The following GGA3 variants were observed in gnomAD, a reference collection of about 807,000 sequenced individuals.
GGA3 encodes the protein ADP-ribosylation factor-binding protein GGA3.
Under a neutral mutation model 77.5 loss-of-function variants are expected in GGA3, and 57 were observed. The ratio of observed to expected loss-of-function variants is 0.74; its 90% CI spans 0.59 to 0.92. The LOEUF is 0.92. GGA3 is among the 40% of genes least tolerant of loss of function. GGA3 has a pLI of 0.00. For missense variants in GGA3, 970 were observed against 914.9 expected, an observed-to-expected ratio of 1.06 and a Z score of -0.78; for synonymous variants, 416 against 383.7, an observed-to-expected ratio of 1.08 and a Z score of -0.98.
chr17:75,253,000 A>T (rs1361171068), intron 1 of GGA3, among the ~76,000 whole-genome samples: 1 of 152,234 alleles, frequency 6.6e-6, no homozygotes, highest in Admixed American at 6.5e-5. Context: ...ATAAACAGCC[A>T]TGTTGCTCAC....
intron 10 of GGA3, 95 bp downstream of exon 10, chr17:75,241,302 GCAA>G: frequency 1.2e-6 from 1 of 849,132 alleles, no homozygotes; most frequent in Non-Finnish European, 2.0e-6. Context: ...TGGGCCTTGT[GCAA>G]CACCACCACG....
chr17:75,243,295 A>C (rs1235881386), intron 5 of GGA3, 129 bp from the exon 6 acceptor site: 1 of 1,133,120 alleles, frequency 8.8e-7, no homozygotes, highest in Non-Finnish European at 1.3e-6. Flanking sequence ...AGGCTGCTAC[A>C]CCTTATCCCA....
rs542757381 is a variant in GGA3 at position 75,236,757 on chromosome 17, A to G, written c.*1522T>C. 1.3e-5 allele frequency: 2 copies of G among 153,940 alleles called. No individual in the cohort carries two copies. Among genetic ancestry groups the G allele is most frequent in the East Asian group, 3.9e-4 (2 of 5,190 alleles). The allele number at this position is 153,940 out of a possible 1,614,324, so 9.5% of individuals were successfully genotyped here. A position where few individuals can be genotyped will look rare whatever the true frequency, so the allele number is the denominator to read the frequency against. On this transcript the variant is annotated 3_prime_UTR_variant, in exon 17 of 17. Transcript: ENST00000537686. ...GCATAACACAAAGTTCCATTTCCAC[A>G]TAGTAATTCCACAGACATTCCCAGG...
chr17:75,252,363 C>A (rs187279940), intron 1 of GGA3, among the ~76,000 whole-genome samples: 1 of 152,246 alleles, frequency 6.6e-6, no homozygotes, highest in African/African-American at 2.4e-5. Context: ...TAGCTGGGAC[C>A]ACAGGAATGA....
chr17:75,243,222 C>T, intron 5 of GGA3, 56 bp from the exon 6 acceptor site: 1 of 1,325,798 alleles, frequency 7.5e-7, no homozygotes. Context: ...TGTCACCCCT[C>T]CTCATACACC....
chr17:75,238,157 C>G lies in GGA3; in HGVS notation c.*122G>C, dbSNP rs1262789163. The G allele has an allele frequency of 1.8e-5, 27 of 1,482,296 alleles. No individual in the cohort carries two copies. Among genetic ancestry groups the G allele is most frequent in the Non-Finnish European group, 2.2e-5 (25 of 1,119,014 alleles). The allele number at this position is 1,482,296 out of a possible 1,614,324, so 91.8% of individuals were successfully genotyped here. A position where few individuals can be genotyped will look rare whatever the true frequency, so the allele number is the denominator to read the frequency against. ...GTTCTCAGCAGAAATGCCCAGGGCCCCTGTTCCACATCAAAGCTACAAGCA... is the reference window on the plus strand; with the variant it reads ...GTTCTCAGCAGAAATGCCCAGGGCCGCTGTTCCACATCAAAGCTACAAGCA... On this transcript the variant is annotated 3_prime_UTR_variant, in exon 17 of 17. Transcript: ENST00000537686.
intron 3 of GGA3, among the ~76,000 whole-genome samples, chr17:75,246,109 T>G (rs539077319): frequency 4.9e-4 from 75 of 152,208 alleles, no homozygotes; most frequent in Non-Finnish European, 4.9e-4. Flanking sequence ...ATTGTTTAAC[T>G]ACAGAATGAA....
chr17:75,243,769 T>C (rs1190996907), intron 4 of GGA3, among the ~76,000 whole-genome samples, 199 bp from the exon 5 acceptor site: 2 of 152,154 alleles, frequency 1.3e-5, no homozygotes, highest in Non-Finnish European at 2.9e-5. Flanking sequence ...GGATACAGTC[T>C]GTGGATAGGC....
Position 75,239,773 on chromosome 17 carries a change from T to G in GGA3, c.1583+16A>C, listed in dbSNP as rs2076466296. ...GCCCAACCCTCAGCAACCCCACATC[T>G]CCTCCCACTCATTACACTTTGGCCT... is the stretch of plus-strand genomic sequence containing the variant. On this transcript the variant is annotated intron_variant, in intron 13 of 16. Transcript: ENST00000537686. The G allele has an allele frequency of 3.7e-6, 6 of 1,612,236 alleles. No individual in the cohort carries two copies. In the South Asian group the frequency reaches 6.6e-5, roughly 18 times the overall value.
rs186396071 is a variant in GGA3, at chr17:75,243,488, T to G, written c.383A>C (p.Glu128Ala). The G allele has an allele frequency of 2.8e-5, 46 of 1,614,202 alleles. No homozygotes were observed. The Admixed American group carries it at 5.0e-4, about 18-fold the overall frequency. ...LYSWTMALPEEAKIKDAYHML... is the reference protein window; with the variant it reads ...LYSWTMALPEAAKIKDAYHML... ...GTGGTAGGCGTCTTTGATCTTTGCT[T>G]CTTCTGGCAGGGCCATGGTCCAGCT... Residue 128 changes from glutamate to alanine, a missense_variant, in exon 5 of 17, where the codon GAA becomes GCA. Physicochemically the swap from Glu to Ala is moderately radical, Grantham distance 107. Coordinates refer to ENST00000537686, the MANE Select transcript of GGA3 (RefSeq NM_138619.4).
chr17:75,256,227 C>T (rs998671424), intron 1 of GGA3, among the ~76,000 whole-genome samples: 5 of 152,106 alleles, frequency 3.3e-5, no homozygotes, highest in South Asian at 2.1e-4. Flanking sequence ...CAGTGGCTGC[C>T]GCTGCTTTAA....
intron 1 of GGA3, among the ~76,000 whole-genome samples, chr17:75,247,263 ATTTTT>A (rs373755619): frequency 3.4e-5 from 5 of 145,818 alleles, no homozygotes; most frequent in African/African-American, 1.0e-4. Context: ...GTAACCACAA[ATTTTT>A]TTTTTTTTTT....
At position 75,238,157 on chromosome 17, in the gene GGA3, CCT is replaced by C; in HGVS notation, c.*120_*121del. ...GTTCTCAGCAGAAATGCCCAGGGCC[CCT>C]GTTCCACATCAAAGCTACAAGCACT... On this transcript the variant is annotated 3_prime_UTR_variant, in exon 17 of 17. Coordinates refer to ENST00000537686, the MANE Select transcript of GGA3 (RefSeq NM_138619.4). 3 of 1,482,414 alleles carry C rather than the reference CCT, an allele frequency of 2.0e-6. No individual in the cohort carries two copies. The highest frequency in any genetic ancestry group is 2.7e-6 in the Non-Finnish European group (3 of 1,119,006). 91.8% of individuals were successfully genotyped at this position (1,482,414 alleles called of 1,614,324 possible).
Position 75,240,839 on chromosome 17 carries a change from A to G in GGA3, c.1165T>C (p.Trp389Arg), listed in dbSNP as rs756879973. 2.5e-5 allele frequency: 40 copies of G among 1,612,716 alleles called. No individual in the cohort carries two copies. Among genetic ancestry groups the G allele is most frequent in the Non-Finnish European group, 3.4e-5 (40 of 1,179,778 alleles). ...AAGCAGAGTAGCTCCTCGTCCAGCCAGGAGAGGGCGTTGCTTGTGCTGCTG... is the reference window on the plus strand; with the variant it reads ...AAGCAGAGTAGCTCCTCGTCCAGCCGGGAGAGGGCGTTGCTTGTGCTGCTG... ...GPSSTSNALS[W>R]LDEELLCLGL... Residue 389 changes from tryptophan (W) to arginine (R), a missense_variant, in exon 11 of 17, where the codon TGG (tryptophan) becomes CGG (arginine). By Grantham distance (101) the Trp-to-Arg change is moderately radical. Transcript: ENST00000537686.
In GGA3 at chr17:75,241,525, G is replaced by T; in HGVS notation, c.830-9C>A. ...GGCTTGCAGGATGTCCCCTGGAGCA[G>T]GAAAGAGAGACTTCTCACTCCTGTT... is the stretch of plus-strand genomic sequence containing the variant. On this transcript the variant is annotated splice_polypyrimidine_tract_variant and intron_variant, in intron 9 of 16. Coordinates refer to ENST00000537686, the MANE Select transcript of GGA3 (RefSeq NM_138619.4). 6.2e-7 allele frequency: 1 copy of T among 1,608,528 alleles called. No homozygotes were observed. Among genetic ancestry groups the T allele is most frequent in the Non-Finnish European group, 8.5e-7 (1 of 1,174,922 alleles).
chr17:75,238,425 G>C (rs1452591048), intron 16 of GGA3, 36 bp from the exon 17 acceptor site: 2 of 1,580,832 alleles, frequency 1.3e-6, no homozygotes, highest in Admixed American at 3.4e-5. Context: ...TCCAGCCCAG[G>C]CGGCCCCTTG....
chr17:75,244,453 C>T (rs1263636830), intron 4 of GGA3, 166 bp downstream of exon 4: 1 of 633,434 alleles, frequency 1.6e-6, no homozygotes, highest in Admixed American at 2.5e-5. Context: ...GTCCCTGTGG[C>T]CTGTTTGGTC....
rs748982644 is a variant in GGA3, at chr17:75,240,974, G to T, written c.1030C>A (p.Pro344Thr). Residue 344 changes from proline (P) to threonine (T), a missense_variant, in exon 11 of 17, where the codon CCA (proline) becomes ACA (threonine). By Grantham distance (38) the Pro-to-Thr change is conservative (BLOSUM62 -1). Coordinates refer to ENST00000537686, the MANE Select transcript of GGA3 (RefSeq NM_138619.4). ...TTNSLSSVLA[P>T]APTPPSSGIP... is the part of the protein sequence containing the mutation. ...CCTGAGGAGGGTGGAGTAGGTGCTG[G>T]GGCCAACACGGAGGACAAACTGTTG... 2.5e-6 allele frequency: 4 copies of T among 1,614,140 alleles called. No homozygotes were observed. The South Asian group carries it at 4.4e-5, about 18-fold the overall frequency.
intron 1 of GGA3, among the ~76,000 whole-genome samples, chr17:75,260,733 T>C (rs1049058750): frequency 2.0e-5 from 3 of 152,214 alleles, no homozygotes; most frequent in Non-Finnish European, 4.4e-5. Context: ...AGTTCACTTA[T>C]TAACCCTCAG....
Sources: gnomAD v4.1 joint callset for allele counts (sites outside exome capture counted in the v4.1 genomes callset) on GRCh38, gnomAD v4.1.1 for gene constraint, MANE v1.5 for transcripts, NCBI Gene and HGNC (gene_info 2026-07-23, HGNC 2026-07-21) for gene names.